Variants in CR1 observed in about 807,000 individuals in gnomAD.
CR1 encodes complement receptor type 1.
In CR1, 116 loss-of-function variants were observed where a neutral mutation model predicts 187.3. That is an observed-to-expected ratio of 0.62 (90% CI 0.53 to 0.72). CR1 has a LOEUF of 0.72. CR1 is among the 30% of genes least tolerant of loss of function. The pLI, the probability that CR1 is intolerant of heterozygous loss-of-function variation, is 0.00. For synonymous variants in CR1, 576 were observed against 747.1 expected, an observed-to-expected ratio of 0.77 and a Z score of 3.73; for missense variants, 1,731 against 2,110.7, an observed-to-expected ratio of 0.82 and a Z score of 3.52.
chr1:207,526,399 G>T (rs1290151265), intron 5 of CR1, among the ~76,000 whole-genome samples: 1 of 151,096 alleles, frequency 6.6e-6, no homozygotes, highest in African/African-American at 2.5e-5. Context: ...TTCTAGAAAG[G>T]AAGTATGAAG....
At chr1:207,615,936 G>A (rs1662077989) in intron 40 of CR1, among the ~76,000 whole-genome samples, 1 of 152,140 alleles carries the variant, frequency 6.6e-6, no homozygotes, top group African/African-American at 2.4e-5. Context: ...CAAACTAGAA[G>A]CATCAATTGC....
intron 4 of CR1, among the ~76,000 whole-genome samples, 159 bp from the exon 5 acceptor site, chr1:207,523,452 G>C (rs1373163838): frequency 1.3e-5 from 2 of 152,210 alleles, no homozygotes; most frequent in African/African-American, 4.8e-5. Flanking sequence ...ATCATATTAT[G>C]CCCATTGAAG....
intron 34 of CR1, among the ~76,000 whole-genome samples, chr1:207,587,992 A>G (rs1661162637): frequency 6.6e-6 from 1 of 152,232 alleles, no homozygotes; most frequent in African/African-American, 2.4e-5. Flanking sequence ...AAATGAATGA[A>G]ACAGGGGTAC....
At chr1:207,579,540 C>T (rs1001684174) in intron 29 of CR1, among the ~76,000 whole-genome samples, 1 of 152,192 alleles carries the variant, frequency 6.6e-6, no homozygotes, top group African/African-American at 2.4e-5. Context: ...CTCATAGTCC[C>T]ATCAGCACCA....
At chr1:207,636,095 C>T (rs1290443856) in intron 46 of CR1, among the ~76,000 whole-genome samples, 3 of 152,142 alleles carry the variant, frequency 2.0e-5, no homozygotes, top group South Asian at 4.2e-4. Flanking sequence ...TTCGACAAAA[C>T]CGCCATCATC....
Position 207,588,869 on chromosome 1 carries a change from CT to C in CR1, c.5810+98del, listed in dbSNP as rs1277179126. On this transcript the variant is annotated intron_variant, in intron 35 of 46. Transcript: ENST00000367049. ...GATAGACAAACTAAACTATTGCTCCCTTTACTTTAAAAGCAAGCAATAGGAC... is the reference window on the plus strand; with the variant it reads ...GATAGACAAACTAAACTATTGCTCCCTTACTTTAAAAGCAAGCAATAGGAC... 7 of 811,530 alleles carry C rather than the reference CT, an allele frequency of 8.6e-6. No homozygotes were observed. In the East Asian group the frequency reaches 1.9e-4, roughly 22 times the overall value. 50.3% of individuals were successfully genotyped at this position (811,530 alleles called of 1,614,324 possible).
intron 4 of CR1, among the ~76,000 whole-genome samples, chr1:207,515,116 TATAC>T (rs1278443099): frequency 6.8e-6 from 1 of 147,564 alleles, no homozygotes. Flanking sequence ...TGTACGTATA[TATAC>T]ATACGTACGT....
intron 4 of CR1, among the ~76,000 whole-genome samples, chr1:207,521,948 C>T (rs550728004): frequency 6.6e-5 from 10 of 151,790 alleles, no homozygotes; most frequent in African/African-American, 1.2e-4. Context: ...GAATTACAGG[C>T]GTGAGCCACC....
At chr1:207,627,699 C>T (rs990171982) in intron 45 of CR1, among the ~76,000 whole-genome samples, 6 of 152,146 alleles carry the variant, frequency 3.9e-5, no homozygotes, top group Non-Finnish European at 8.8e-5. Context: ...CTGCTTGAGC[C>T]AATGAGTTTA....
intron 43 of CR1, among the ~76,000 whole-genome samples, chr1:207,620,554 T>C (rs1410666930): frequency 1.3e-5 from 2 of 152,186 alleles, no homozygotes; most frequent in African/African-American, 2.4e-5. Flanking sequence ...ACCCACATCA[T>C]GGAGCAGATG....
rs1661835886 is a variant in CR1, at chr1:207,609,192, G to GA, written c.5897-94dup. 3 of 1,184,768 alleles carry GA rather than the reference G, an allele frequency of 2.5e-6. No individual in the cohort carries two copies. The East Asian group carries it at 7.8e-5, about 31-fold the overall frequency. 73.4% of individuals were successfully genotyped at this position (1,184,768 alleles called of 1,614,324 possible). On this transcript the variant is annotated intron_variant, in intron 36 of 46. Coordinates refer to ENST00000367049, the MANE Select transcript of CR1 (RefSeq NM_000651.6). ...AATAACAGTATTGTAATTCCATTTA[G>GA]AAAATCATTGGATTATTTGCATTTG... is the stretch of plus-strand genomic sequence containing the variant.
chr1:207,579,230 T>G (rs543562727), intron 29 of CR1, among the ~76,000 whole-genome samples: 1 of 152,344 alleles, frequency 6.6e-6, no homozygotes, highest in African/African-American at 2.4e-5. Context: ...ATGGCTCATC[T>G]TGTCTACTGA....
chr1:207,608,253 G>A (rs1661809198), intron 36 of CR1, among the ~76,000 whole-genome samples: 1 of 151,858 alleles, frequency 6.6e-6, no homozygotes, highest in South Asian at 2.1e-4. Context: ...GCACCAGGAG[G>A]AATTAAAGGT....
At chr1:207,585,046 G>A (rs1170530216) in intron 33 of CR1, among the ~76,000 whole-genome samples, 170 bp downstream of exon 33, 1 of 152,100 alleles carries the variant, frequency 6.6e-6, no homozygotes, top group Non-Finnish European at 1.5e-5. Flanking sequence ...CAGCGCCAAG[G>A]TATGTTTGAA....
chr1:207,609,147 A>G (rs1661834629), intron 36 of CR1, 143 bp from the exon 37 acceptor site: 1 of 887,460 alleles, frequency 1.1e-6, no homozygotes, highest in Admixed American at 3.4e-5. Context: ...ATGTCTGATT[A>G]TTAGCAAATA....
At chr1:207,581,201 TGTAGAC>T (rs1660929685) in intron 31 of CR1, among the ~76,000 whole-genome samples, 1 of 150,242 alleles carries the variant, frequency 6.7e-6, no homozygotes, top group Admixed American at 6.6e-5. Flanking sequence ...GACACGTATA[TGTAGAC>T]GTATACATAT....
intron 11 of CR1, among the ~76,000 whole-genome samples, chr1:207,538,093 CATATATATAT>C (rs147854730): frequency 6.2e-5 from 1 of 16,256 alleles, no homozygotes; most frequent in Non-Finnish European, 1.0e-4. Context: ...TGATCTATAT[CATATATATAT>C]ATATATATAT....
chr1:207,587,301 AC>A (rs1345766089), intron 33 of CR1, 84 bp from the exon 34 acceptor site: 14 of 1,162,510 alleles, frequency 1.2e-5, no homozygotes, highest in Non-Finnish European at 1.7e-5. Context: ...TCTGTGATCC[AC>A]CTATCAGCTT....
chr1:207,497,901 C>T (rs1341809674), intron 1 of CR1, among the ~76,000 whole-genome samples: 5 of 152,134 alleles, frequency 3.3e-5, no homozygotes, highest in African/African-American at 4.8e-5. Flanking sequence ...TTTTAAAATG[C>T]TGATGGATGC....
Sources: gnomAD v4.1 joint callset for allele counts (sites outside exome capture counted in the v4.1 genomes callset) on GRCh38, gnomAD v4.1.1 for gene constraint, MANE v1.5 for transcripts, NCBI Gene and HGNC (gene_info 2026-07-23, HGNC 2026-07-21) for gene names.